TOPAZ1: variants seen among roughly 807,000 people sequenced by gnomAD.
The protein encoded by TOPAZ1 is protein TOPAZ1.
In TOPAZ1, 66 loss-of-function variants were observed where a neutral mutation model predicts 172.2. That is an observed-to-expected ratio of 0.38 (90% CI 0.31 to 0.47). TOPAZ1 has a LOEUF of 0.47. Among genes scored for constraint, TOPAZ1 ranks in the 20% least tolerant of loss-of-function variants. The probability of loss-of-function intolerance (pLI) is 0.99; values close to 1 mark genes in which losing one functional copy is unlikely to be tolerated. For synonymous variants in TOPAZ1, 681 were observed against 683.9 expected, an observed-to-expected ratio of 1.00 and a Z score of 0.07; for missense variants, 1,822 against 1,972.4, an observed-to-expected ratio of 0.92 and a Z score of 1.44.
chr3:44,257,723 C>T (rs2125681356), intron 4 of TOPAZ1, among the ~76,000 whole-genome samples: 1 of 151,732 alleles, frequency 6.6e-6, no homozygotes, highest in Admixed American at 6.6e-5. Flanking sequence ...CCTAGTTTTC[C>T]CCTATAATTA....
At chr3:44,290,682 A>G (rs540909390) in intron 11 of TOPAZ1, 89 bp from the exon 12 acceptor site, 11 of 716,264 alleles carry the variant, frequency 1.5e-5, no homozygotes, top group South Asian at 5.5e-5. Context: ...CACTTCTTCC[A>G]TTAGTGTCTT....
In TOPAZ1 at chr3:44,244,827, C is replaced by T. The variant is rs1243932102; in HGVS notation, c.2321C>T (p.Thr774Ile). The T allele has an allele frequency of 1.2e-5, 18 of 1,551,626 alleles. No homozygotes were observed. In the East Asian group the frequency reaches 4.4e-4, roughly 38 times the overall value. Residue 774 changes from threonine (T) to isoleucine (I), a missense_variant, in exon 2 of 20, where the codon ACA becomes ATA. Thr to Ile is a moderately conservative substitution (Grantham distance 89). This residue lies in a region of TOPAZ1 where 1,489 missense variants were observed against 1,490.8 expected (regional missense o/e 1.00). Coordinates refer to ENST00000309765, the MANE Select transcript of TOPAZ1 (RefSeq NM_001145030.2). Reference protein sequence around the residue: ...KKSYSISPSFTKQGNNSKPSN... With the variant: ...KKSYSISPSFIKQGNNSKPSN... ...TCCTATAGTATTTCTCCAAGCTTTA[C>T]AAAGCAAGGTAACAATAGCAAACCA... is the stretch of plus-strand genomic sequence containing the variant.
chr3:44,309,126 G>A (rs530787495), intron 15 of TOPAZ1, among the ~76,000 whole-genome samples: 1 of 152,182 alleles, frequency 6.6e-6, no homozygotes, highest in African/African-American at 2.4e-5. Flanking sequence ...CCATTTACAG[G>A]AAAAGCTTGC....
chr3:44,286,997 A>G lies in TOPAZ1; in HGVS notation c.3437-392A>G, dbSNP rs116315729. Among the ~76,000 whole-genome samples the G allele has an allele frequency of 7.0e-3, 1,064 of 152,314 alleles. 13 individuals carry two copies. Among genetic ancestry groups the G allele is most frequent in the African/African-American group, 0.025 (1,028 of 41,568 alleles). On this transcript the variant is annotated intron_variant, in intron 9 of 19. Transcript: ENST00000309765. Reference sequence around the variant, plus strand: ...TGTTGGTGGGTTTAAAGCAACAAGCATGGGTATGTGTCAAAACAGTCTGCA... The same window carrying G: ...TGTTGGTGGGTTTAAAGCAACAAGCGTGGGTATGTGTCAAAACAGTCTGCA...
At chr3:44,253,833 A>G (rs1699663473) in intron 2 of TOPAZ1, among the ~76,000 whole-genome samples, 1 of 152,230 alleles carries the variant, frequency 6.6e-6, no homozygotes, top group African/African-American at 2.4e-5. Context: ...TTTCTTGGCT[A>G]GGAAGTAATT....
intron 4 of TOPAZ1, among the ~76,000 whole-genome samples, chr3:44,259,313 T>C (rs1281530645): frequency 6.6e-6 from 1 of 152,102 alleles, no homozygotes; most frequent in African/African-American, 2.4e-5. Flanking sequence ...TTATCCAGGG[T>C]TTATGGTTGT....
At chr3:44,265,210 G>A (rs1699816784) in intron 5 of TOPAZ1, among the ~76,000 whole-genome samples, 1 of 152,198 alleles carries the variant, frequency 6.6e-6, no homozygotes, top group Non-Finnish European at 1.5e-5. Context: ...AGTCTTGAAA[G>A]TCAAAATTAC....
intron 8 of TOPAZ1, 58 bp downstream of exon 8, chr3:44,270,868 A>C: frequency 7.0e-7 from 1 of 1,431,646 alleles, no homozygotes; most frequent in South Asian, 1.6e-5. Context: ...TCAGTCATGC[A>C]TTTTAATTTA....
chr3:44,263,353 G>T (rs554987559), intron 5 of TOPAZ1, among the ~76,000 whole-genome samples: 1 of 152,274 alleles, frequency 6.6e-6, no homozygotes, highest in South Asian at 2.1e-4. Context: ...GACTGCAAAG[G>T]TTTATCAACT....
At chr3:44,269,183 T>C (rs1699865541) in intron 6 of TOPAZ1, 33 bp from the exon 7 acceptor site, 2 of 1,123,854 alleles carry the variant, frequency 1.8e-6, no homozygotes, top group Non-Finnish European at 2.6e-6. Context: ...TTGTAACATA[T>C]TGGTGTGTAA....
chr3:44,304,899 G>T (rs1700317314), intron 13 of TOPAZ1, among the ~76,000 whole-genome samples: 1 of 152,136 alleles, frequency 6.6e-6, no homozygotes, highest in Non-Finnish European at 1.5e-5. Context: ...TTAAGACCTG[G>T]ATAATTAAAA....
chr3:44,286,848 C>T (rs1257271912), intron 9 of TOPAZ1, among the ~76,000 whole-genome samples: 3 of 152,136 alleles, frequency 2.0e-5, no homozygotes, highest in African/African-American at 7.2e-5. Flanking sequence ...GAAGGAAGTA[C>T]TTTCTCAAAG....
chr3:44,336,154 A>G (rs187223647), downstream of TOPAZ1, among the ~76,000 whole-genome samples: 43 of 152,340 alleles, frequency 2.8e-4, no homozygotes, highest in African/African-American at 9.1e-4. Flanking sequence ...CACATACTGA[A>G]GTAGATTGCT....
chr3:44,293,034 A>G (rs1424734121), intron 12 of TOPAZ1, among the ~76,000 whole-genome samples: 2 of 152,190 alleles, frequency 1.3e-5, no homozygotes, highest in African/African-American at 4.8e-5. Flanking sequence ...CACATATACC[A>G]TGGTGATCCC....
At chr3:44,269,351 TCCTCCTCCTTCTCCTC>T in intron 7 of TOPAZ1, 50 bp downstream of exon 7, 2 of 1,028,692 alleles carry the variant, frequency 1.9e-6, no homozygotes, top group Non-Finnish European at 2.9e-6. Flanking sequence ...CTCCTCCCCC[TCCTCCTCCTTCTCCTC>T]CCTCCTCTTC....
chr3:44,257,944 G>A (rs186950077), intron 4 of TOPAZ1, among the ~76,000 whole-genome samples: 117 of 152,066 alleles, frequency 7.7e-4, no homozygotes, highest in Non-Finnish European at 1.6e-3. Context: ...TTAAAATGAA[G>A]ATTCATAAGA....
chr3:44,258,855 T>C (rs1373865693), intron 4 of TOPAZ1, among the ~76,000 whole-genome samples: 1 of 152,206 alleles, frequency 6.6e-6, no homozygotes, highest in African/African-American at 2.4e-5. Context: ...CTGAGCTATA[T>C]AGTAGTCGCA....
downstream of TOPAZ1, among the ~76,000 whole-genome samples, chr3:44,335,474 A>G (rs1246001935): frequency 6.6e-6 from 1 of 152,144 alleles, no homozygotes; most frequent in Non-Finnish European, 1.5e-5. Flanking sequence ...AAATGCAAAA[A>G]TTAGCTGGGC....
chr3:44,256,566 A>G (rs1056345021), intron 4 of TOPAZ1, among the ~76,000 whole-genome samples: 2 of 152,150 alleles, frequency 1.3e-5, no homozygotes, highest in Non-Finnish European at 2.9e-5. Flanking sequence ...TAAATAAAAT[A>G]TTACATATTT....
Sources: gnomAD v4.1 joint callset for allele counts (sites outside exome capture counted in the v4.1 genomes callset) on GRCh38, gnomAD v4.1.1 for gene constraint, gnomAD v4.1.1 regional missense constraint, MANE v1.5 for transcripts, NCBI Gene and HGNC (gene_info 2026-07-23, HGNC 2026-07-21) for gene names.